Variants in SGSM2 observed in about 807,000 individuals in gnomAD.
SGSM2 encodes the protein RUN and TBC1 domain containing 1.
Under a neutral mutation model 126.6 loss-of-function variants are expected in SGSM2, and 89 were observed. That is an observed-to-expected ratio of 0.70 (90% CI 0.59 to 0.84). The LOEUF is 0.84. Ranked by LOEUF, SGSM2 falls within the 40% of genes least tolerant of loss-of-function variation. The pLI, the probability that SGSM2 is intolerant of heterozygous loss-of-function variation, is 0.00. For synonymous variants in SGSM2, 614 were observed against 574.3 expected, an observed-to-expected ratio of 1.07 and a Z score of -0.99; for missense variants, 1,404 against 1,416.6, an observed-to-expected ratio of 0.99 and a Z score of 0.14.
intron 2 of SGSM2, among the ~76,000 whole-genome samples, chr17:2,357,670 G>T (rs1198568619): frequency 6.6e-6 from 1 of 152,052 alleles, no homozygotes; most frequent in African/African-American, 2.4e-5. Context: ...GCTAATTTTT[G>T]TATTTTTAGC....
At chr17:2,359,746 C>T (rs1016528115) in intron 2 of SGSM2, among the ~76,000 whole-genome samples, 4 of 152,214 alleles carry the variant, frequency 2.6e-5, no homozygotes, top group African/African-American at 9.6e-5. Flanking sequence ...GGTGGGGAAG[C>T]GAATGACTCA....
At chr17:2,371,155 A>G (rs1340352972) in intron 12 of SGSM2, 107 bp from the exon 13 acceptor site, 1 of 1,288,260 alleles carries the variant, frequency 7.8e-7, no homozygotes, top group Non-Finnish European at 1.0e-6. Context: ...TTTTCCACCC[A>G]TGGGTGACTT....
At chr17:2,370,300 T>G (rs1254470786) in intron 12 of SGSM2, among the ~76,000 whole-genome samples, 2 of 152,266 alleles carry the variant, frequency 1.3e-5, no homozygotes, top group Non-Finnish European at 2.9e-5. Context: ...TGTGGCTCCC[T>G]GGACCTGCCA....
intron 2 of SGSM2, among the ~76,000 whole-genome samples, chr17:2,345,111 C>T (rs534865592): frequency 1.3e-5 from 2 of 152,004 alleles, no homozygotes; most frequent in South Asian, 2.1e-4. Flanking sequence ...CTCAGCAGAA[C>T]CTATGCTCTG....
intron 12 of SGSM2, among the ~76,000 whole-genome samples, 189 bp from the exon 13 acceptor site, chr17:2,371,073 A>C (rs1267971781): frequency 6.6e-6 from 1 of 152,134 alleles, no homozygotes; most frequent in Admixed American, 6.5e-5. Context: ...GGAGGCTAGG[A>C]AGTGTCAGGC....
intron 1 of SGSM2, among the ~76,000 whole-genome samples, chr17:2,338,605 T>C (rs7218436): frequency 0.46 from 70,258 of 151,256 alleles, 17,155 homozygotes; most frequent in East Asian, 0.69. Flanking sequence ...CCCTCTGTTT[T>C]GTCCACTGCC....
In SGSM2 at chr17:2,337,580, G is replaced by C. The variant is rs2064133100; in HGVS notation, c.-109G>C. ...GCGGCGGCGGCGGCGGGCCGGGAGC[G>C]CGGCGGGCGGGGGCTCCGCCTTGCG... On this transcript the variant is annotated 5_prime_UTR_variant, in exon 1 of 24. Coordinates refer to ENST00000268989, the MANE Select transcript of SGSM2 (RefSeq NM_014853.3). This position sits in a 1 kb window ranked among gnomAD's most constrained non-coding sequence, Gnocchi z 5.1. The C allele has an allele frequency of 1.5e-6, 1 of 654,792 alleles. No individual in the cohort carries two copies. Among genetic ancestry groups the C allele is most frequent in the Non-Finnish European group, 2.0e-6 (1 of 506,168 alleles). 40.6% of individuals were successfully genotyped at this position (654,792 alleles called of 1,614,324 possible). A position where few individuals can be genotyped will look rare whatever the true frequency, so the allele number is the denominator to read the frequency against.
rs757717631 is a variant in SGSM2, at chr17:2,361,813, C to T, written c.296+14C>T. 1 of 1,586,546 alleles carries T rather than the reference C, an allele frequency of 6.3e-7. No individual in the cohort carries two copies. The highest frequency in any genetic ancestry group is 2.2e-5 in the East Asian group (1 of 44,582). ...AGCAGAGGGCAGGTGAGCCCTGGGC[C>T]AGCCCCTTCTTCCCTCCTTTCAGCT... On this transcript the variant is annotated intron_variant, in intron 3 of 23. Coordinates refer to ENST00000268989, the MANE Select transcript of SGSM2 (RefSeq NM_014853.3).
intron 2 of SGSM2, among the ~76,000 whole-genome samples, chr17:2,353,023 C>T (rs527937805): frequency 1.9e-3 from 286 of 151,752 alleles, no homozygotes; most frequent in African/African-American, 4.8e-3. Flanking sequence ...GTGATCCACC[C>T]GCCTCGGCCT....
rs1233439263 is a variant in SGSM2 at position 2,380,054 on chromosome 17, C to T, written c.*534C>T. ...GTCACGGGTGCGGGAGACCCGGGCA[C>T]GGGAGACCCGGGCCGCCTTCAGGCC... On this transcript the variant is annotated 3_prime_UTR_variant, in exon 24 of 24. Coordinates refer to ENST00000268989, the MANE Select transcript of SGSM2 (RefSeq NM_014853.3). 4.6e-5 allele frequency: 64 copies of T among 1,405,078 alleles called. 1 individual carries two copies. Among genetic ancestry groups the T allele is most frequent in the East Asian group, 5.3e-5 (2 of 37,598 alleles). 87.0% of individuals were successfully genotyped at this position (1,405,078 alleles called of 1,614,324 possible).
chr17:2,341,048 C>T (rs2064347674), intron 1 of SGSM2, among the ~76,000 whole-genome samples: 1 of 152,204 alleles, frequency 6.6e-6, no homozygotes, highest in African/African-American at 2.4e-5. Context: ...CTTCAGATGC[C>T]TCCAGGTCTT....
At chr17:2,371,492 G>T in intron 13 of SGSM2, 77 bp downstream of exon 13, 1 of 1,486,780 alleles carries the variant, frequency 6.7e-7, no homozygotes. Flanking sequence ...CTTAAAGGCC[G>T]TGTCACCTGC....
intron 11 of SGSM2, chr17:2,366,904 G>A (rs1244132775): frequency 9.4e-6 from 2 of 212,654 alleles, no homozygotes; most frequent in Non-Finnish European, 1.9e-5. Context: ...GCTAGAGAAC[G>A]ATCAGGACCC....
In SGSM2 at chr17:2,363,658, G is replaced by A. The variant is rs1567825434; in HGVS notation, c.807+59G>A. The A allele has an allele frequency of 1.9e-6, 3 of 1,595,448 alleles. No homozygotes were observed. The highest frequency in any genetic ancestry group is 2.6e-6 in the Non-Finnish European group (3 of 1,168,662). On this transcript the variant is annotated intron_variant, in intron 7 of 23. Coordinates refer to ENST00000268989, the MANE Select transcript of SGSM2 (RefSeq NM_014853.3). The surrounding 1 kb of genome is among the most constrained non-coding windows in gnomAD (Gnocchi z 4.2). ...AGGTCCCCGAACGAGACGACTGGAA[G>A]CCTCTAGCCATGGCTATTCCTTTCC...
At chr17:2,350,705 A>G (rs1014471783) in intron 2 of SGSM2, among the ~76,000 whole-genome samples, 1 of 152,152 alleles carries the variant, frequency 6.6e-6, no homozygotes, top group Non-Finnish European at 1.5e-5. Flanking sequence ...CCTCAGAGAC[A>G]AGTCCAACTA....
chr17:2,371,425 C>A lies in SGSM2; in HGVS notation c.1577+10C>A. ...GCTGCATCCCCGACCGGTGAGTGGG[C>A]AGCGCTCGGCCCCAGCTTCCCGTTA... On this transcript the variant is annotated intron_variant, in intron 13 of 23. Coordinates refer to ENST00000268989, the MANE Select transcript of SGSM2 (RefSeq NM_014853.3). 1 of 1,581,460 alleles carries A rather than the reference C, an allele frequency of 6.3e-7. No individual in the cohort carries two copies. Among genetic ancestry groups the A allele is most frequent in the South Asian group, 1.1e-5 (1 of 87,410 alleles).
At chr17:2,373,299 TC>T (rs934917563) in intron 16 of SGSM2, 31 bp from the exon 17 acceptor site, 7 of 1,596,196 alleles carry the variant, frequency 4.4e-6, no homozygotes, top group Non-Finnish European at 4.3e-6. Context: ...GGTGCACGCT[TC>T]CCCCATGGTC....
intron 16 of SGSM2, 22 bp from the exon 17 acceptor site, chr17:2,373,309 T>G (rs1211936209): frequency 6.2e-7 from 1 of 1,602,024 alleles, no homozygotes; most frequent in Non-Finnish European, 8.5e-7. Flanking sequence ...TCCCCCATGG[T>G]CGTGGTGTGG....
intron 19 of SGSM2, 200 bp from the exon 20 acceptor site, chr17:2,376,533 T>C: frequency 1.4e-6 from 1 of 690,164 alleles, no homozygotes; most frequent in Non-Finnish European, 2.4e-6. Context: ...CGGCCTTGGC[T>C]CTCCCTAAGT....
Sources: allele counts gnomAD v4.1 joint callset (sites outside exome capture counted in the v4.1 genomes callset), GRCh38; gene constraint gnomAD v4.1.1; non-coding constraint Gnocchi (gnomAD v3.1); transcripts MANE v1.5; gene names NCBI Gene and HGNC (gene_info 2026-07-23, HGNC 2026-07-21).